The following TNRC6B variants were observed in gnomAD, a reference collection of about 807,000 sequenced individuals.
TNRC6B encodes trinucleotide repeat-containing gene 6B protein.
In TNRC6B, 52 loss-of-function variants were observed where a neutral mutation model predicts 203.6. The observed-to-expected ratio is 0.26, with a 90% CI of 0.20 to 0.32. TNRC6B has a LOEUF of 0.32. Among genes scored for constraint, TNRC6B ranks in the 10% least tolerant of loss-of-function variants. The probability of loss-of-function intolerance (pLI) is 1.00; values close to 1 mark genes in which losing one functional copy is unlikely to be tolerated. For synonymous variants in TNRC6B, 838 were observed against 845.7 expected, an observed-to-expected ratio of 0.99 and a Z score of 0.16; for missense variants, 1,923 against 2,286.2, an observed-to-expected ratio of 0.84 and a Z score of 3.24.
At chr22:40,145,998 A>G (rs141471562) in intron 3 of TNRC6B, among the ~76,000 whole-genome samples, 1 of 152,202 alleles carries the variant, frequency 6.6e-6, no homozygotes, top group Non-Finnish European at 1.5e-5. Flanking sequence ...GGATCACTCA[A>G]ATTTAATAGT....
intron 8 of TNRC6B, among the ~76,000 whole-genome samples, chr22:40,277,624 C>T (rs1410025610): frequency 6.6e-6 from 1 of 152,192 alleles, no homozygotes; most frequent in African/African-American, 2.4e-5. Context: ...CTTGGCTGCA[C>T]AGTTGAAGGT....
chr22:40,128,254 C>T (rs1307803419), intron 3 of TNRC6B, among the ~76,000 whole-genome samples: 1 of 152,068 alleles, frequency 6.6e-6, no homozygotes, highest in African/African-American at 2.4e-5. Flanking sequence ...GATCTCATCT[C>T]GCAGGGGTCA....
intron 3 of TNRC6B, among the ~76,000 whole-genome samples, chr22:40,252,605 G>A (rs987957381): frequency 2.6e-5 from 4 of 152,194 alleles, no homozygotes; most frequent in Admixed American, 6.6e-5. Context: ...AATGTAGTCC[G>A]GGAGTTTGTA....
intron 3 of TNRC6B, among the ~76,000 whole-genome samples, chr22:40,252,879 TTGA>T (rs2070214697): frequency 1.3e-5 from 2 of 152,186 alleles, no homozygotes; most frequent in Admixed American, 6.5e-5. Flanking sequence ...GTAGGGCTTT[TTGA>T]TGATTTATGG....
intron 1 of TNRC6B, among the ~76,000 whole-genome samples, chr22:40,204,224 T>C (rs1430408997): frequency 6.6e-6 from 1 of 152,240 alleles, no homozygotes; most frequent in African/African-American, 2.4e-5. Context: ...GGGTTCTTTG[T>C]TGTTTAATTA....
intron 1 of TNRC6B, among the ~76,000 whole-genome samples, chr22:40,217,317 T>C (rs1032160186): frequency 2.2e-4 from 34 of 152,162 alleles, no homozygotes; most frequent in African/African-American, 7.5e-4. Context: ...CACCATAAAA[T>C]GTAGTGCTGA....
At chr22:40,097,714 ACT>A (rs1555979220) in intron 1 of TNRC6B, among the ~76,000 whole-genome samples, 2 of 144,842 alleles carry the variant, frequency 1.4e-5, no homozygotes, top group East Asian at 2.0e-4. Context: ...ACACACACAC[ACT>A]GTATTATACA....
At chr22:40,226,657 A>G (rs2069789897) in intron 1 of TNRC6B, among the ~76,000 whole-genome samples, 2 of 152,366 alleles carry the variant, frequency 1.3e-5, no homozygotes, top group Admixed American at 6.5e-5. Context: ...TTGAGAACAC[A>G]TGGTCAGAGG....
intron 12 of TNRC6B, among the ~76,000 whole-genome samples, chr22:40,289,651 A>G (rs1027452279): frequency 3.9e-5 from 6 of 152,074 alleles, no homozygotes; most frequent in Non-Finnish European, 4.4e-5. Flanking sequence ...CTCAATACAT[A>G]TTCAGCAGAA....
At chr22:40,068,799 G>A (rs1436844724) in intron 1 of TNRC6B, among the ~76,000 whole-genome samples, 1 of 151,538 alleles carries the variant, frequency 6.6e-6, no homozygotes, top group African/African-American at 2.4e-5. Context: ...GCCCAGGCTG[G>A]TCTCAAACTC....
At chr22:40,062,166 A>T (rs2067859025) in intron 1 of TNRC6B, among the ~76,000 whole-genome samples, 1 of 152,194 alleles carries the variant, frequency 6.6e-6, no homozygotes, top group Admixed American at 6.5e-5. Flanking sequence ...TACGTATGTT[A>T]TAAATCCCAC....
At position 40,294,073 on chromosome 22, in the gene TNRC6B, CAAAAAAA is replaced by C. The variant is rs11354611; in HGVS notation, c.3709-6366_3709-6360del. Among the ~76,000 whole-genome samples, 335 of 80,308 alleles carry C rather than the reference CAAAAAAA, an allele frequency of 4.2e-3. 1 individual carries two copies. The highest frequency in any genetic ancestry group is 0.015 in the Middle Eastern group (2 of 136). The allele number at this position is 80,308 out of a possible 152,430, so 52.7% of individuals were successfully genotyped here. ...GCAAAATGGCAAAACCCCATCTCTA[CAAAAAAA>C]AAAAAAAAAAAAAAATACAAAAATT... On this transcript the variant is annotated intron_variant, in intron 12 of 22. Transcript: ENST00000454349.
At chr22:40,154,876 T>A (rs1290245159) in intron 3 of TNRC6B, among the ~76,000 whole-genome samples, 3 of 58,112 alleles carry the variant, frequency 5.2e-5, no homozygotes, top group Admixed American at 2.0e-4. Flanking sequence ...TATATATATA[T>A]ATATATATAT....
chr22:40,154,241 A>C (rs2146350610), intron 3 of TNRC6B, among the ~76,000 whole-genome samples: 1 of 152,184 alleles, frequency 6.6e-6, no homozygotes, highest in Non-Finnish European at 1.5e-5. Context: ...AGACGGGTGG[A>C]TCACGAGGTC....
chr22:40,233,612 C>T (rs1249897629), intron 1 of TNRC6B, among the ~76,000 whole-genome samples: 1 of 151,216 alleles, frequency 6.6e-6, no homozygotes, highest in Non-Finnish European at 1.5e-5. Flanking sequence ...CAGAGCAAGA[C>T]TCCGTCTCAA....
chr22:40,178,361 C>A (rs1312085083), intron 1 of TNRC6B, among the ~76,000 whole-genome samples: 1 of 152,118 alleles, frequency 6.6e-6, no homozygotes, highest in Non-Finnish European at 1.5e-5. Context: ...GATTTAATTG[C>A]ACTTTTAATG....
intron 1 of TNRC6B, among the ~76,000 whole-genome samples, chr22:40,234,058 G>A (rs890202251): frequency 2.6e-5 from 4 of 152,200 alleles, no homozygotes; most frequent in East Asian, 1.9e-4. Flanking sequence ...GGCCGATGCA[G>A]GAGTATTGCT....
intron 1 of TNRC6B, among the ~76,000 whole-genome samples, chr22:40,113,803 T>G (rs2068363631): frequency 6.6e-6 from 1 of 152,186 alleles, no homozygotes; most frequent in African/African-American, 2.4e-5. Context: ...CCTTGCTTCC[T>G]GGGAAGACCT....
At chr22:40,084,919 A>G (rs983549477) in intron 1 of TNRC6B, among the ~76,000 whole-genome samples, 6 of 152,282 alleles carry the variant, frequency 3.9e-5, no homozygotes, top group African/African-American at 1.4e-4. Context: ...GCCTCCTGGT[A>G]TCATGCCTTT....
Sources: gnomAD v4.1 joint callset for allele counts (sites outside exome capture counted in the v4.1 genomes callset) on GRCh38, gnomAD v4.1.1 for gene constraint, MANE v1.5 for transcripts, NCBI Gene and HGNC (gene_info 2026-07-23, HGNC 2026-07-21) for gene names.